Variants in SMARCC1 observed in about 807,000 individuals in gnomAD.
SMARCC1 encodes SWI/SNF related BAF chromatin remodeling complex subunit C1.
A neutral mutation model predicts 147.4 loss-of-function variants in SMARCC1; 43 were observed. The observed-to-expected ratio is 0.29, with a 90% CI of 0.23 to 0.38. The LOEUF (loss-of-function observed/expected upper bound fraction) is 0.38, where lower values mean the gene tolerates loss of function less well. Among genes scored for constraint, SMARCC1 ranks in the 10% least tolerant of loss-of-function variants. SMARCC1 has a pLI of 1.00. For synonymous variants in SMARCC1, 495 were observed against 484.4 expected (o/e 1.02, Z -0.29); for missense variants, 1,119 against 1,381.1 (o/e 0.81, Z 3.01).
intron 26 of SMARCC1, among the ~76,000 whole-genome samples, chr3:47,601,046 A>AGAGG (rs1576383649): frequency 1.4e-5 from 2 of 143,322 alleles, no homozygotes; most frequent in African/African-American, 2.6e-5. Context: ...AGAGAGAGAG[A>AGAGG]GACATGGCAT....
chr3:47,725,993 C>T (rs2034294315), intron 6 of SMARCC1, among the ~76,000 whole-genome samples: 3 of 133,236 alleles, frequency 2.3e-5, no homozygotes, highest in Non-Finnish European at 4.6e-5. Flanking sequence ...ACCTGGGAGG[C>T]GGAAGCTGCA....
At chr3:47,726,300 G>A (rs1379279061) in intron 6 of SMARCC1, among the ~76,000 whole-genome samples, 2 of 150,892 alleles carry the variant, frequency 1.3e-5, no homozygotes, top group East Asian at 1.9e-4. Context: ...CAGTCAGGAA[G>A]CTGAAAGGCA....
At chr3:47,642,347 T>C (rs1383469925) in intron 21 of SMARCC1, among the ~76,000 whole-genome samples, 2 of 152,176 alleles carry the variant, frequency 1.3e-5, no homozygotes, top group East Asian at 1.9e-4. Context: ...CCCAACACTT[T>C]GGGAGGCCAA....
intron 1 of SMARCC1, among the ~76,000 whole-genome samples, chr3:47,778,668 A>G (rs1009564556): frequency 6.6e-6 from 1 of 152,120 alleles, no homozygotes; most frequent in South Asian, 2.1e-4. Flanking sequence ...TAAGAAAACA[A>G]AAATTTATTA....
intron 25 of SMARCC1, among the ~76,000 whole-genome samples, chr3:47,615,805 TC>T: frequency 6.6e-6 from 1 of 152,310 alleles, no homozygotes; most frequent in African/African-American, 2.4e-5. Context: ...TGCTTCAGCC[TC>T]CTGAATAGCT....
intron 2 of SMARCC1, among the ~76,000 whole-genome samples, chr3:47,754,829 A>C (rs1359528251): frequency 1.3e-5 from 2 of 152,136 alleles, no homozygotes; most frequent in Non-Finnish European, 2.9e-5. Context: ...AACCACTGTA[A>C]GTCAGGAGTT....
intron 21 of SMARCC1, among the ~76,000 whole-genome samples, chr3:47,659,852 A>G (rs1340603145): frequency 6.6e-6 from 1 of 151,880 alleles, no homozygotes; most frequent in South Asian, 2.1e-4. Flanking sequence ...TTAGTCATCA[A>G]TGCAAATACA....
chr3:47,767,401 C>T (rs1489772091), intron 2 of SMARCC1, among the ~76,000 whole-genome samples: 39 of 147,010 alleles, frequency 2.7e-4, no homozygotes, highest in Admixed American at 2.7e-3. Context: ...CCACCACACT[C>T]GGCTAATTTT....
intron 4 of SMARCC1, 146 bp downstream of exon 4, chr3:47,737,883 C>T (rs902655142): frequency 8.0e-6 from 3 of 374,032 alleles, no homozygotes; most frequent in East Asian, 5.3e-5. Context: ...AGGATGGTCT[C>T]GATCTCCTGA....
At chr3:47,695,096 C>T (rs1253565667) in intron 11 of SMARCC1, among the ~76,000 whole-genome samples, 1 of 152,172 alleles carries the variant, frequency 6.6e-6, no homozygotes, top group African/African-American at 2.4e-5. Flanking sequence ...TGAAACCCAA[C>T]TGTAGTGTCC....
chr3:47,715,427 T>C (rs1482048229), intron 7 of SMARCC1, among the ~76,000 whole-genome samples: 1 of 152,184 alleles, frequency 6.6e-6, no homozygotes, highest in African/African-American at 2.4e-5. Flanking sequence ...ACAGCCTTGA[T>C]TCCATTCTCA....
intron 5 of SMARCC1, among the ~76,000 whole-genome samples, chr3:47,729,654 G>A (rs945852263): frequency 2.0e-5 from 3 of 152,148 alleles, no homozygotes; most frequent in Admixed American, 2.0e-4. Flanking sequence ...CCAAAGTTCT[G>A]GGATTAAAGA....
At chr3:47,726,585 T>C (rs34777284) in intron 6 of SMARCC1, among the ~76,000 whole-genome samples, 95,134 of 152,004 alleles carry the variant, frequency 0.63, 30,570 homozygotes, top group East Asian at 0.72. Context: ...GATCTCTCTG[T>C]ACATTATGAA....
rs530104963 is a variant in SMARCC1, at chr3:47,769,312, C to T, written c.315+3505G>A. ...TGGCCGGATCATGAGGTCAGGAGTT[C>T]AAGACCAGCCTGGCCAAGATGGTGA... On this transcript the variant is annotated intron_variant, in intron 2 of 27. Coordinates refer to ENST00000254480, the MANE Select transcript of SMARCC1 (RefSeq NM_003074.4). Among the ~76,000 whole-genome samples the T allele has an allele frequency of 2.0e-5, 3 of 150,562 alleles. No individual in the cohort carries two copies. The East Asian group carries it at 6.1e-4, about 30-fold the overall frequency.
intron 26 of SMARCC1, among the ~76,000 whole-genome samples, chr3:47,591,897 C>T (rs568885578): frequency 6.6e-6 from 1 of 152,258 alleles, no homozygotes; most frequent in South Asian, 2.1e-4. Flanking sequence ...TTGTTCAATA[C>T]TGAGGGACAT....
intron 21 of SMARCC1, among the ~76,000 whole-genome samples, chr3:47,644,210 T>C (rs555371029): frequency 6.6e-6 from 1 of 152,090 alleles, no homozygotes; most frequent in Non-Finnish European, 1.5e-5. Context: ...CTGGGTGCAG[T>C]GGCTCATGCC....
intron 2 of SMARCC1, 142 bp downstream of exon 2, chr3:47,772,675 T>C (rs1183922533): frequency 3.0e-6 from 2 of 674,330 alleles, no homozygotes; most frequent in East Asian, 5.9e-5. Context: ...AAAATAGTAA[T>C]ATTCTATAAC....
Position 47,661,424 on chromosome 3 carries a change from T to C in SMARCC1, c.2190A>G (p.Pro730=). The C allele has an allele frequency of 5.0e-6, 8 of 1,612,074 alleles. No homozygotes were observed. Among genetic ancestry groups the C allele is most frequent in the Non-Finnish European group, 6.8e-6 (8 of 1,179,476 alleles). ...EEFSRVREEV[P]LELVEAHVKK... ...TGACATGAGCTTCAACCAATTCCAG[T>C]GGTACCTCCTCCCGGACCCGAGAAA... Residue 730 remains proline, a synonymous_variant, in exon 21 of 28, where the codon CCA becomes CCG. Transcript: ENST00000254480.
chr3:47,761,798 G>C (rs1269887675), intron 2 of SMARCC1, among the ~76,000 whole-genome samples: 1 of 152,104 alleles, frequency 6.6e-6, no homozygotes, highest in African/African-American at 2.4e-5. Context: ...AAATTCAATA[G>C]TTTTCTCCTA....
Sources: gnomAD v4.1 joint callset for allele counts (sites outside exome capture counted in the v4.1 genomes callset) on GRCh38, gnomAD v4.1.1 for gene constraint, MANE v1.5 for transcripts, NCBI Gene and HGNC (gene_info 2026-07-23, HGNC 2026-07-21) for gene names.